Variants in AGBL1 observed in about 807,000 individuals in gnomAD.
AGBL1 encodes the protein AGBL carboxypeptidase 1, also known as cytosolic carboxypeptidase 4.
Under a neutral mutation model 118.9 loss-of-function variants are expected in AGBL1, and 130 were observed. That is an observed-to-expected ratio of 1.09 (90% CI 0.95 to 1.26). The LOEUF (loss-of-function observed/expected upper bound fraction) is 1.26. Among genes scored for constraint, AGBL1 ranks in the 50% most tolerant of loss-of-function variants. The pLI is 0.00. For synonymous variants in AGBL1, 555 were observed against 478.9 expected, an observed-to-expected ratio of 1.16 and a Z score of -2.08; for missense variants, 1,584 against 1,298.1, an observed-to-expected ratio of 1.22 and a Z score of -3.38.
intron 21 of AGBL1, among the ~76,000 whole-genome samples, chr15:86,585,076 G>A (rs1220811679): frequency 1.3e-5 from 2 of 152,164 alleles, no homozygotes; most frequent in Non-Finnish European, 2.9e-5. Context: ...AATTCCAGAA[G>A]TTTTGGTGGA....
intron 5 of AGBL1, among the ~76,000 whole-genome samples, chr15:86,202,557 A>G (rs903360090): frequency 6.6e-6 from 1 of 152,188 alleles, no homozygotes; most frequent in Non-Finnish European, 1.5e-5. Flanking sequence ...TTGACATTGC[A>G]CCTGCCACAT....
At chr15:86,959,524 A>G (rs2080969989) in intron 23 of AGBL1, among the ~76,000 whole-genome samples, 1 of 151,704 alleles carries the variant, frequency 6.6e-6, no homozygotes, top group Non-Finnish European at 1.5e-5. Flanking sequence ...TTTGCTTATG[A>G]GATCATCATT....
intron 19 of AGBL1, among the ~76,000 whole-genome samples, chr15:86,541,616 A>AAAAGAGAG (rs1555423985): frequency 1.0e-5 from 1 of 97,078 alleles, no homozygotes; most frequent in African/African-American, 4.2e-5. Context: ...AAAAAAAAAA[A>AAAAGAGAG]AGAGAGAGAG....
intron 24 of AGBL1, among the ~76,000 whole-genome samples, chr15:87,017,529 G>GA (rs974386241): frequency 3.9e-5 from 6 of 152,106 alleles, no homozygotes; most frequent in African/African-American, 1.4e-4. Context: ...TGGACCCCTA[G>GA]AAAATGGCAG....
intron 19 of AGBL1, among the ~76,000 whole-genome samples, chr15:86,534,790 C>A (rs1260080525): frequency 4.6e-5 from 7 of 152,152 alleles, no homozygotes; most frequent in African/African-American, 1.7e-4. Flanking sequence ...ACACTAAAGA[C>A]TACATACTCT....
intron 22 of AGBL1, among the ~76,000 whole-genome samples, chr15:86,679,723 C>T (rs2085917724): frequency 6.6e-6 from 1 of 152,032 alleles, no homozygotes; most frequent in Non-Finnish European, 1.5e-5. Flanking sequence ...TCCATTATTA[C>T]TATATTTTCT....
At chr15:86,435,932 A>C (rs535219051) in intron 18 of AGBL1, among the ~76,000 whole-genome samples, 13 of 152,320 alleles carry the variant, frequency 8.5e-5, no homozygotes, top group African/African-American at 3.1e-4. Context: ...AATAATTATT[A>C]ACAACTATCA....
chr15:86,196,726 A>T (rs558462201), intron 5 of AGBL1, among the ~76,000 whole-genome samples: 1 of 152,282 alleles, frequency 6.6e-6, no homozygotes, highest in Non-Finnish European at 1.5e-5. Flanking sequence ...ACTGTATTTT[A>T]AGATGGGGTC....
chr15:86,524,832 C>T (rs1327434426), intron 19 of AGBL1, among the ~76,000 whole-genome samples: 2 of 152,092 alleles, frequency 1.3e-5, no homozygotes. Context: ...CTGAGTCAAT[C>T]TTTTTTTGCT....
intron 22 of AGBL1, among the ~76,000 whole-genome samples, chr15:86,704,364 G>C (rs1479519098): frequency 1.3e-5 from 2 of 152,108 alleles, no homozygotes; most frequent in Non-Finnish European, 1.5e-5. Flanking sequence ...TACAGAATAG[G>C]AGAAAATTTT....
intron 17 of AGBL1, among the ~76,000 whole-genome samples, chr15:86,340,537 G>A (rs546573768): frequency 1.3e-5 from 2 of 152,296 alleles, no homozygotes; most frequent in South Asian, 4.1e-4. Context: ...ATCATCTGGA[G>A]GCTCCAGAAG....
At chr15:86,149,270 CATA>C (rs920400296) in intron 3 of AGBL1, among the ~76,000 whole-genome samples, 1 of 152,152 alleles carries the variant, frequency 6.6e-6, no homozygotes, top group African/African-American at 2.4e-5. Context: ...CAAATTTACA[CATA>C]ATAATGTTAA....
At chr15:86,673,556 G>A (rs1348372776) in intron 21 of AGBL1, among the ~76,000 whole-genome samples, 1 of 152,162 alleles carries the variant, frequency 6.6e-6, no homozygotes, top group African/African-American at 2.4e-5. Flanking sequence ...CTTATCTGTA[G>A]AATGGAGAAA....
chr15:86,520,804 C>G (rs1202170009), intron 18 of AGBL1, among the ~76,000 whole-genome samples: 1 of 152,176 alleles, frequency 6.6e-6, no homozygotes, highest in Non-Finnish European at 1.5e-5. Context: ...TCCTGGGGCT[C>G]TGGGATGTTG....
At chr15:86,771,099 A>T (rs2078173039) in intron 22 of AGBL1, among the ~76,000 whole-genome samples, 1 of 152,008 alleles carries the variant, frequency 6.6e-6, no homozygotes, top group Admixed American at 6.6e-5. Context: ...GGTGTCAAAG[A>T]TGGAAGGAAG....
intron 22 of AGBL1, among the ~76,000 whole-genome samples, chr15:86,736,557 G>T (rs1310652177): frequency 6.6e-6 from 1 of 152,110 alleles, no homozygotes; most frequent in African/African-American, 2.4e-5. Context: ...GGCCACCAAG[G>T]CTATAAGTGA....
intron 18 of AGBL1, among the ~76,000 whole-genome samples, chr15:86,472,312 T>A (rs1307252971): frequency 1.3e-5 from 2 of 152,188 alleles, no homozygotes; most frequent in Non-Finnish European, 2.9e-5. Context: ...CAAGACCTGG[T>A]TAAGGTTCAG....
chr15:86,956,288 G>A (rs2080930925), intron 23 of AGBL1, among the ~76,000 whole-genome samples: 1 of 151,708 alleles, frequency 6.6e-6, no homozygotes, highest in Non-Finnish European at 1.5e-5. Flanking sequence ...GATGATGGAT[G>A]ATATAGATAG....
intron 5 of AGBL1, among the ~76,000 whole-genome samples, chr15:86,163,845 C>G (rs747042253): frequency 6.6e-6 from 1 of 152,228 alleles, no homozygotes; most frequent in Non-Finnish European, 1.5e-5. Context: ...TGAGTAGGTG[C>G]TATGCTAGGC....
Sources: allele counts gnomAD v4.1 joint callset (sites outside exome capture counted in the v4.1 genomes callset), GRCh38; gene constraint gnomAD v4.1.1; transcripts MANE v1.5; gene names NCBI Gene and HGNC (gene_info 2026-07-23, HGNC 2026-07-21).